The following NTNG1 variants were observed in gnomAD, a reference collection of about 807,000 sequenced individuals.
The protein encoded by NTNG1 is netrin G1.
Under a neutral mutation model 54.0 loss-of-function variants are expected in NTNG1, and 16 were observed. The observed-to-expected ratio is 0.30, with a 90% CI of 0.20 to 0.45. NTNG1 has a LOEUF of 0.45. Ranked by LOEUF, NTNG1 falls within the 20% of genes least tolerant of loss-of-function variation. The probability of loss-of-function intolerance (pLI) is 1.00; values close to 1 mark genes in which losing one functional copy is unlikely to be tolerated. For missense variants in NTNG1, 530 were observed against 678.7 expected (o/e 0.78, Z 2.43); for synonymous variants, 255 against 263.1 (o/e 0.97, Z 0.30).
chr1:107,372,491 TA>T (rs900800411), intron 3 of NTNG1, among the ~76,000 whole-genome samples: 1 of 152,132 alleles, frequency 6.6e-6, no homozygotes, highest in African/African-American at 2.4e-5. Flanking sequence ...ATTTTTCTGT[TA>T]TGAATTTTCA....
At chr1:107,382,742 T>G (rs1671722924) in intron 3 of NTNG1, among the ~76,000 whole-genome samples, 1 of 152,092 alleles carries the variant, frequency 6.6e-6, no homozygotes, top group Admixed American at 6.6e-5. Flanking sequence ...GGGCTTGGGT[T>G]TTTGGTTTTG....
At chr1:107,438,340 C>T (rs901819863) in intron 7 of NTNG1, among the ~76,000 whole-genome samples, 2 of 152,112 alleles carry the variant, frequency 1.3e-5, no homozygotes, top group African/African-American at 2.4e-5. Context: ...GGCCTCACAC[C>T]TGTATATAAG....
At chr1:107,442,254 A>G (rs1211476304) in intron 7 of NTNG1, among the ~76,000 whole-genome samples, 1 of 152,186 alleles carries the variant, frequency 6.6e-6, no homozygotes, top group Admixed American at 6.5e-5. Flanking sequence ...TAAAAATCTA[A>G]GAGGTATTGT....
chr1:107,181,784 C>A (rs774338149), intron 2 of NTNG1, among the ~76,000 whole-genome samples: 1 of 152,074 alleles, frequency 6.6e-6, no homozygotes, highest in Admixed American at 6.6e-5. Context: ...TTTCTTGTGA[C>A]ACACGGTGCT....
rs1196219441 is a variant in NTNG1 at position 107,481,151 on chromosome 1, A to G, written c.*311A>G. The G allele has an allele frequency of 1.5e-5, 6 of 403,194 alleles. No individual in the cohort carries two copies. Among genetic ancestry groups the G allele is most frequent in the Non-Finnish European group, 2.7e-5 (6 of 223,470 alleles). The allele number at this position is 403,194 out of a possible 1,614,324, so 25.0% of individuals were successfully genotyped here. ...GCCCCCCAAACAGGAAAGACAAAAAACAAACAAATCAACCGACCTAAAAAC... is the reference window on the plus strand; with the variant it reads ...GCCCCCCAAACAGGAAAGACAAAAAGCAAACAAATCAACCGACCTAAAAAC... On this transcript the variant is annotated 3_prime_UTR_variant, in exon 8 of 8. Transcript: ENST00000370068.
At chr1:107,389,054 A>G (rs994422770) in intron 3 of NTNG1, among the ~76,000 whole-genome samples, 4 of 152,234 alleles carry the variant, frequency 2.6e-5, no homozygotes, top group Non-Finnish European at 5.9e-5. Context: ...CAGGGACCCA[A>G]GGGGCCTCAT....
At chr1:107,373,504 C>T (rs1392415169) in intron 3 of NTNG1, among the ~76,000 whole-genome samples, 3 of 151,408 alleles carry the variant, frequency 2.0e-5, no homozygotes, top group Non-Finnish European at 2.9e-5. Flanking sequence ...CATATTTACT[C>T]ACATAGCTAC....
intron 2 of NTNG1, among the ~76,000 whole-genome samples, chr1:107,191,930 T>G (rs1236203612): frequency 6.6e-6 from 1 of 152,166 alleles, no homozygotes; most frequent in Non-Finnish European, 1.5e-5. Flanking sequence ...TGGTTCCATA[T>G]GAACTTTAAA....
At chr1:107,317,516 T>A (rs1360571259) in intron 2 of NTNG1, among the ~76,000 whole-genome samples, 4 of 152,184 alleles carry the variant, frequency 2.6e-5, no homozygotes, top group Non-Finnish European at 5.9e-5. Context: ...AAGTAATAAT[T>A]GACATTGCTA....
chr1:107,164,168 C>T (rs1024477723), intron 2 of NTNG1, among the ~76,000 whole-genome samples: 2 of 152,206 alleles, frequency 1.3e-5, no homozygotes, highest in African/African-American at 4.8e-5. Flanking sequence ...CCTTCCAATA[C>T]ATGTAGCTTT....
At chr1:107,318,414 A>G (rs968048120) in intron 2 of NTNG1, among the ~76,000 whole-genome samples, 1 of 151,650 alleles carries the variant, frequency 6.6e-6, no homozygotes. Context: ...TGGATATGCC[A>G]AAGAGAAGCT....
intron 2 of NTNG1, among the ~76,000 whole-genome samples, chr1:107,314,551 T>C (rs574135415): frequency 1.3e-5 from 2 of 152,278 alleles, no homozygotes; most frequent in African/African-American, 4.8e-5. Flanking sequence ...TGAGTTAACA[T>C]AGGACACTGT....
chr1:107,377,962 C>A (rs867838876), intron 3 of NTNG1, among the ~76,000 whole-genome samples: 2 of 152,216 alleles, frequency 1.3e-5, no homozygotes, highest in Non-Finnish European at 2.9e-5. Context: ...ATTTTCAGAA[C>A]TAAGGTAGAC....
At chr1:107,168,254 A>C (rs969663054) in intron 2 of NTNG1, among the ~76,000 whole-genome samples, 8 of 151,736 alleles carry the variant, frequency 5.3e-5, no homozygotes, top group African/African-American at 1.7e-4. Context: ...TAAAGTCCTC[A>C]TTTTCACTTT....
chr1:107,196,591 A>G (rs2101241093), intron 2 of NTNG1, among the ~76,000 whole-genome samples: 1 of 152,048 alleles, frequency 6.6e-6, no homozygotes, highest in Admixed American at 6.6e-5. Flanking sequence ...AAAAAATAAC[A>G]CAACCTTTCT....
At chr1:107,282,766 G>A (rs1664949590) in intron 2 of NTNG1, among the ~76,000 whole-genome samples, 1 of 152,100 alleles carries the variant, frequency 6.6e-6, no homozygotes, top group African/African-American at 2.4e-5. Context: ...TTTCTAAATG[G>A]TGCTTGTCTT....
intron 2 of NTNG1, among the ~76,000 whole-genome samples, chr1:107,176,359 A>G (rs769430077): frequency 1.3e-5 from 2 of 152,228 alleles, no homozygotes; most frequent in Non-Finnish European, 2.9e-5. Context: ...CATGAAGAGC[A>G]TACCTTTACT....
intron 3 of NTNG1, among the ~76,000 whole-genome samples, chr1:107,350,755 C>T (rs1025472324): frequency 6.6e-6 from 1 of 152,132 alleles, no homozygotes; most frequent in Non-Finnish European, 1.5e-5. Context: ...AAAGACAATG[C>T]TGCAGGATCT....
intron 2 of NTNG1, among the ~76,000 whole-genome samples, chr1:107,171,155 A>G (rs532005789): frequency 1.3e-5 from 2 of 152,274 alleles, no homozygotes; most frequent in South Asian, 4.1e-4. Context: ...ATTTAAAAAT[A>G]TTAATGGCTA....
Sources: allele counts gnomAD v4.1 joint callset (sites outside exome capture counted in the v4.1 genomes callset), GRCh38; gene constraint gnomAD v4.1.1; transcripts MANE v1.5; gene names NCBI Gene and HGNC (gene_info 2026-07-23, HGNC 2026-07-21).